The following ERICH1 variants were observed in gnomAD, a reference collection of about 807,000 sequenced individuals.
ERICH1 encodes glutamate rich 1.
A neutral mutation model predicts 39.6 loss-of-function variants in ERICH1; 56 were observed. The observed-to-expected ratio is 1.41, with a 90% confidence interval of 1.14 to 1.77. The LOEUF (loss-of-function observed/expected upper bound fraction) is 1.77. Ranked by LOEUF, ERICH1 falls within the 40% of genes most tolerant of loss-of-function variation. The pLI is 0.00. For missense variants in ERICH1, 826 were observed against 575.4 expected (o/e 1.44, Z -4.45); for synonymous variants, 313 against 223.6 (o/e 1.40, Z -3.57).
chr8:672,338 G>A (rs1456615592), intron 4 of ERICH1: 1 of 152,246 alleles, frequency 6.6e-6, no homozygotes, highest in Non-Finnish European at 1.5e-5. Flanking sequence ...ACAATCTGCT[G>A]AGAAACACGC....
At chr8:677,232 T>C (rs1403027511) in intron 3 of ERICH1, among the ~76,000 whole-genome samples, 3 of 152,250 alleles carry the variant, frequency 2.0e-5, no homozygotes, top group Non-Finnish European at 4.4e-5. Context: ...GGAAGTATTT[T>C]ACCAAGCACC....
intron 3 of ERICH1, among the ~76,000 whole-genome samples, chr8:632,460 G>A (rs753855598): frequency 1.3e-5 from 2 of 152,138 alleles, no homozygotes; most frequent in African/African-American, 2.4e-5. Flanking sequence ...AAAAATGTAT[G>A]CAGCTCTAAA....
At chr8:674,434 C>A (rs908914086) in intron 3 of ERICH1, among the ~76,000 whole-genome samples, 8 of 151,630 alleles carry the variant, frequency 5.3e-5, no homozygotes, top group Admixed American at 1.3e-4. Context: ...TCTCCAGTAG[C>A]TGGGAGTACA....
chr8:618,433 G>A (rs555529595), intron 3 of ERICH1, among the ~76,000 whole-genome samples: 22 of 151,890 alleles, frequency 1.4e-4, no homozygotes, highest in East Asian at 3.9e-4. Context: ...CTCAGTACTC[G>A]GTGCTTGGTC....
rs879088819 is a variant in ERICH1, at chr8:673,519, A to G, written c.833T>C (p.Ile278Thr). ...CCCGGCCCGTGTCAGGTCTTCCTCAATGGTGTCCACACCGTCCTCCTCCCT... is the reference window on the plus strand; with the variant it reads ...CCCGGCCCGTGTCAGGTCTTCCTCAGTGGTGTCCACACCGTCCTCCTCCCT... The part of the protein sequence containing the change: ...DAREEDGVDT[I>T]EEDLTRAGEE... Residue 278 changes from isoleucine to threonine, a missense_variant, in exon 4 of 6, where the codon ATT (isoleucine) becomes ACT (threonine). Ile to Thr is a moderately conservative substitution (Grantham distance 89, BLOSUM62 -1). Transcript: ENST00000262109. The G allele has an allele frequency of 1.9e-6, 3 of 1,568,466 alleles. No individual in the cohort carries two copies. The highest frequency in any genetic ancestry group is 1.8e-5 in the Admixed American group (1 of 54,074).
chr8:720,335 C>T (rs1817010240), intron 1 of ERICH1, among the ~76,000 whole-genome samples: 1 of 152,164 alleles, frequency 6.6e-6, no homozygotes, highest in Non-Finnish European at 1.5e-5. Context: ...CTGAGGTACC[C>T]ACGATGAAGG....
Position 620,180 on chromosome 8 carries a change from C to T in ERICH1, c.977-4896G>A, listed in dbSNP as rs527246313. ...TACAAAAATTAGCCAGGCGTGGTGGCGCACACCTGTAATCCCAGCTACTCA... is the reference window on the plus strand; with the variant it reads ...TACAAAAATTAGCCAGGCGTGGTGGTGCACACCTGTAATCCCAGCTACTCA... On this transcript the variant is annotated intron_variant, in intron 3 of 3. Transcript: ENST00000522706. 2.5e-4 allele frequency among the ~76,000 whole-genome samples: 38 copies of T among 152,148 alleles called. No homozygotes were observed. In the East Asian group the frequency reaches 3.9e-3, roughly 15 times the overall value.
chr8:717,219 C>T (rs1816221442), intron 1 of ERICH1, among the ~76,000 whole-genome samples: 1 of 152,150 alleles, frequency 6.6e-6, no homozygotes, highest in East Asian at 1.9e-4. Flanking sequence ...CGATGTGATC[C>T]CTGAGACCCC....
downstream of ERICH1, among the ~76,000 whole-genome samples, chr8:663,096 A>C (rs1801673869): frequency 6.6e-6 from 1 of 152,260 alleles, no homozygotes; most frequent in South Asian, 2.1e-4. Context: ...GGACACTGCA[A>C]GGCCACCAGA....
At chr8:656,036 C>T (rs1271683845) in intron 3 of ERICH1, among the ~76,000 whole-genome samples, 1 of 152,118 alleles carries the variant, frequency 6.6e-6, no homozygotes, top group Non-Finnish European at 1.5e-5. Context: ...TGCCTGCAGA[C>T]TCATGGCCTC....
rs142191174 is a variant in ERICH1, at chr8:673,400, C to T, written c.952G>A (p.Gly318Arg). ...CTGGCGTCTGCACCGTCCTCCTCCCCGGAGTCTGCACCCTCTTCCTCCCCA... is the reference window on the plus strand; with the variant it reads ...CTGGCGTCTGCACCGTCCTCCTCCCTGGAGTCTGCACCCTCTTCCTCCCCA... ...WAGEEEGADS[G>R]EEDGADASEE... Residue 318 changes from glycine (G) to arginine (R), a missense_variant, in exon 4 of 6, where the codon GGG becomes AGG. Gly to Arg is a moderately radical substitution (Grantham distance 125, BLOSUM62 -2). Coordinates refer to ENST00000262109, the MANE Select transcript of ERICH1 (RefSeq NM_207332.3). 30 of 1,612,028 alleles carry T rather than the reference C, an allele frequency of 1.9e-5. No individual in the cohort carries two copies. Among genetic ancestry groups the T allele is most frequent in the Middle Eastern group, 3.3e-4 (2 of 6,050 alleles).
chr8:673,848 T>C lies in ERICH1; in HGVS notation c.504A>G (p.Lys168=), dbSNP rs774640274. Residue 168 remains lysine (K), a synonymous_variant, in exon 4 of 6, where the codon AAA becomes AAG. Coordinates refer to ENST00000262109, the MANE Select transcript of ERICH1 (RefSeq NM_207332.3). ...CTGCTTTCTTCCTTTTAATTTGCTG[T>C]TTCTTTTTCAGTTTCCTTTTTTTAT... ...SKNKKRKLKK[K]QQIKRKKAAG... The C allele has an allele frequency of 6.2e-7, 1 of 1,613,916 alleles. No homozygotes were observed. The highest frequency in any genetic ancestry group is 8.5e-7 in the Non-Finnish European group (1 of 1,180,018).
intron 1 of ERICH1, among the ~76,000 whole-genome samples, chr8:719,644 G>A (rs1046471255): frequency 5.3e-5 from 8 of 152,190 alleles, no homozygotes; most frequent in Non-Finnish European, 8.8e-5. Flanking sequence ...GGGTCCTGGC[G>A]GTGGCAGACG....
chr8:693,412 C>T (rs1426135577), intron 2 of ERICH1, among the ~76,000 whole-genome samples: 1 of 152,230 alleles, frequency 6.6e-6, no homozygotes, highest in Non-Finnish European at 1.5e-5. Flanking sequence ...CTTTTAATGG[C>T]TACATCATAT....
rs968069303 is a variant in ERICH1 at position 692,624 on chromosome 8, G to A, written c.170-12C>T. ...CTCAGAGCCAGTGTCTGCAACACAG[G>A]AGGAAAATAACAGGAACTGGTAAAT... On this transcript the variant is annotated splice_polypyrimidine_tract_variant and intron_variant, in intron 2 of 5. Transcript: ENST00000262109. 2.6e-6 allele frequency: 4 copies of A among 1,564,492 alleles called. No homozygotes were observed. Among genetic ancestry groups the A allele is most frequent in the African/African-American group, 2.8e-5 (2 of 72,676 alleles).
At chr8:642,414 G>C (rs904278260) in intron 3 of ERICH1, among the ~76,000 whole-genome samples, 1 of 141,608 alleles carries the variant, frequency 7.1e-6, no homozygotes, top group Non-Finnish European at 1.5e-5. Flanking sequence ...GTGCGATCTC[G>C]GCTCACTGCA....
chr8:686,251 A>T (rs336437), intron 3 of ERICH1, among the ~76,000 whole-genome samples: 1 of 152,112 alleles, frequency 6.6e-6, no homozygotes, highest in Non-Finnish European at 1.5e-5. Context: ...ATATTCATAA[A>T]TCACTCTATT....
chr8:673,301 A>G lies in ERICH1; in HGVS notation c.1051T>C (p.Tyr351His). ...GTAAAAAACATACCGTCATAAAAAT[A>G]CATTTCCTGTGTTGACTTCAAAAAA... ...LNFLKSTQEM[Y>H]FYDGVSRDAA... The change falls in exon 4 of 6, where the codon TAT becomes CAT. Residue 351 changes from tyrosine to histidine, a missense_variant. By Grantham distance (83) the Tyr-to-His change is moderately conservative. Coordinates refer to ENST00000262109, the MANE Select transcript of ERICH1 (RefSeq NM_207332.3). 1.2e-6 allele frequency: 2 copies of G among 1,602,334 alleles called. No homozygotes were observed. The highest frequency in any genetic ancestry group is 1.7e-6 in the Non-Finnish European group (2 of 1,170,548).
At chr8:631,844 C>T (rs935477825) in intron 3 of ERICH1, among the ~76,000 whole-genome samples, 8 of 151,954 alleles carry the variant, frequency 5.3e-5, no homozygotes, top group Non-Finnish European at 1.0e-4. Flanking sequence ...TTGCAGGTGC[C>T]GCCCCCCGAC....
Sources: allele counts gnomAD v4.1 joint callset (sites outside exome capture counted in the v4.1 genomes callset), GRCh38; gene constraint gnomAD v4.1.1; transcripts MANE v1.5; gene names NCBI Gene and HGNC (gene_info 2026-07-23, HGNC 2026-07-21).